CIBAR2: variants seen among roughly 807,000 people sequenced by gnomAD.
CIBAR2 encodes CBY1-interacting BAR domain-containing protein 2.
Under a neutral mutation model 36.2 loss-of-function variants are expected in CIBAR2, and 38 were observed. The observed-to-expected ratio is 1.05, with a 90% CI of 0.81 to 1.38. CIBAR2 has a LOEUF of 1.38. CIBAR2 is among the 40% of genes most tolerant of loss of function. The probability of loss-of-function intolerance (pLI) is 0.00; values close to 1 mark genes in which losing one functional copy is unlikely to be tolerated. For synonymous variants in CIBAR2, 182 were observed against 149.5 expected (o/e 1.22, Z -1.58); for missense variants, 481 against 383.4 (o/e 1.25, Z -2.13).
Position 85,107,687 on chromosome 16 carries a change from G to T in CIBAR2, c.427-15C>A. The T allele has an allele frequency of 1.2e-6, 2 of 1,613,992 alleles. No homozygotes were observed. Among genetic ancestry groups the T allele is most frequent in the South Asian group, 1.1e-5 (1 of 91,084 alleles). On this transcript the variant is annotated splice_polypyrimidine_tract_variant and intron_variant, in intron 4 of 8. Coordinates refer to ENST00000539556, the MANE Select transcript of CIBAR2 (RefSeq NM_198491.3). ...CTCACCTGGGACTGAAAAACGTGCT[G>T]TTAAGGAACCAAGTTAAGCCCAGGC...
rs2073928136 is a variant in CIBAR2 at position 85,098,507 on chromosome 16, C to T, written c.*678G>A. On this transcript the variant is annotated 3_prime_UTR_variant, in exon 9 of 9. Coordinates refer to ENST00000539556, the MANE Select transcript of CIBAR2 (RefSeq NM_198491.3). The stretch of plus-strand genomic sequence containing the variant: ...ACGTGGCTTGCCTGAGGGCACACAG[C>T]AGAGCCCACCTGAGGATCCAAGGCC... 1 of 986,096 alleles carries T rather than the reference C, an allele frequency of 1.0e-6. No homozygotes were observed. The highest frequency in any genetic ancestry group is 1.2e-6 in the Non-Finnish European group (1 of 830,094). 61.1% of individuals were successfully genotyped at this position (986,096 alleles called of 1,614,324 possible).
intron 6 of CIBAR2, among the ~76,000 whole-genome samples, chr16:85,104,341 G>A (rs572944752): frequency 6.6e-6 from 1 of 152,232 alleles, no homozygotes; most frequent in Non-Finnish European, 1.5e-5. Context: ...AGGGATTTTG[G>A]TTCTAATCCT....
Position 85,099,264 on chromosome 16 carries a change from TCA to T in CIBAR2, c.834_835del (p.Cys278Ter). 6.2e-7 allele frequency: 1 copy of T among 1,613,706 alleles called. No homozygotes were observed. Among genetic ancestry groups the T allele is most frequent in the Non-Finnish European group, 8.5e-7 (1 of 1,179,838 alleles). On this transcript the variant is annotated stop_gained and frameshift_variant, in exon 9 of 9. Transcript: ENST00000539556. LOFTEE classifies it low-confidence loss of function (END_TRUNC). Reference sequence around the variant, plus strand: ...GGCTGGCTGCCCCTTAACCACCCACTCACAGAGACTAAACCTGCCATGATTGG... The same window carrying T: ...GGCTGGCTGCCCCTTAACCACCCACTCAGAGACTAAACCTGCCATGATTGG...
chr16:85,110,027 G>C lies in CIBAR2; in HGVS notation c.255+199C>G, dbSNP rs2074027984. 3.3e-5 allele frequency among the ~76,000 whole-genome samples: 5 copies of C among 152,094 alleles called. No individual in the cohort carries two copies. In the South Asian group the frequency reaches 1.0e-3, roughly 32 times the overall value. The stretch of plus-strand genomic sequence containing the variant: ...CTTTGTTGACCCTTCATCCGACTCA[G>C]CAAAGCCTCCTAGGCTCTCAATCCT... On this transcript the variant is annotated intron_variant, in intron 2 of 8. Transcript: ENST00000539556.
intron 2 of CIBAR2, among the ~76,000 whole-genome samples, chr16:85,109,231 C>T (rs1019886790): frequency 2.0e-5 from 3 of 151,974 alleles, no homozygotes; most frequent in Non-Finnish European, 4.4e-5. Flanking sequence ...GGCCACATGG[C>T]GAAACCCCAT....
intron 6 of CIBAR2, 35 bp from the exon 7 acceptor site, chr16:85,102,362 G>A (rs35852446): frequency 0.12 from 157,566 of 1,332,684 alleles, 10,446 homozygotes; most frequent in Non-Finnish European, 0.14. Context: ...TGTAAGCATC[G>A]CAGTGAGAAA....
chr16:85,100,358 C>G (rs1369506745), intron 7 of CIBAR2, 118 bp from the exon 8 acceptor site: 1 of 616,138 alleles, frequency 1.6e-6, no homozygotes, highest in Non-Finnish European at 2.9e-6. Flanking sequence ...GCTCATGGAA[C>G]TCCACGGTCC....
At chr16:85,110,499 G>A (rs889687143) in intron 1 of CIBAR2, 39 bp from the exon 2 acceptor site, 1 of 1,465,810 alleles carries the variant, frequency 6.8e-7, no homozygotes, top group African/African-American at 1.4e-5. Context: ...TCTGGGCAGA[G>A]ATGCAGGGCC....
intron 5 of CIBAR2, among the ~76,000 whole-genome samples, chr16:85,107,156 A>AG (rs369442682): frequency 0.014 from 2,141 of 149,494 alleles, 36 homozygotes; most frequent in African/African-American, 0.048. Context: ...CTCAAAAAAA[A>AG]GGGGGGGGGC....
At chr16:85,102,144 T>C (rs2073960216) in intron 7 of CIBAR2, 70 bp downstream of exon 7, 1 of 849,858 alleles carries the variant, frequency 1.2e-6, no homozygotes, top group African/African-American at 1.7e-5. Context: ...AAACGACTTC[T>C]ATCAAGACAA....
intron 7 of CIBAR2, among the ~76,000 whole-genome samples, chr16:85,100,819 G>A (rs1001098983): frequency 2.6e-5 from 4 of 152,110 alleles, no homozygotes; most frequent in Admixed American, 6.6e-5. Context: ...AGGCCGAGGC[G>A]GGCAGATCAT....
chr16:85,104,776 G>A (rs1453856653), intron 6 of CIBAR2, among the ~76,000 whole-genome samples: 4 of 152,106 alleles, frequency 2.6e-5, no homozygotes, highest in South Asian at 2.1e-4. Flanking sequence ...ATGGACTAGC[G>A]AGGGCTCAAG....
intron 1 of CIBAR2, 106 bp downstream of exon 1, chr16:85,112,227 C>G: frequency 9.9e-7 from 1 of 1,014,424 alleles, no homozygotes; most frequent in Non-Finnish European, 1.5e-6. Flanking sequence ...ACCCCCAACC[C>G]CCACCCCAAG....
rs767873697 is a variant in CIBAR2 at position 85,110,287 on chromosome 16, C to G, written c.194G>C (p.Arg65Pro). The G allele has an allele frequency of 1.6e-5, 26 of 1,609,322 alleles. No individual in the cohort carries two copies. Among genetic ancestry groups the G allele is most frequent in the Non-Finnish European group, 2.1e-5 (25 of 1,177,128 alleles). ...CTCAGCGAAGCCCCTCATGGTGGCC[C>G]GCAGCTCGGGGTTCTCGGAGTTGGC... ...DFANSENPEL[R>P]ATMRGFAEDL... The change falls in exon 2 of 9, where the codon CGG (arginine) becomes CCG (proline). Residue 65 changes from arginine (R) to proline (P), a missense_variant. Physicochemically the swap from Arg to Pro is moderately radical, Grantham distance 103. Coordinates refer to ENST00000539556, the MANE Select transcript of CIBAR2 (RefSeq NM_198491.3).
At chr16:85,099,535 T>G (rs2073937672) in intron 8 of CIBAR2, among the ~76,000 whole-genome samples, 189 bp from the exon 9 acceptor site, 2 of 151,806 alleles carry the variant, frequency 1.3e-5, no homozygotes, top group South Asian at 4.2e-4. Context: ...TACCTCAGAG[T>G]GCCTCCAGGG....
intron 5 of CIBAR2, among the ~76,000 whole-genome samples, chr16:85,106,185 G>A (rs866132299): frequency 2.0e-5 from 3 of 152,084 alleles, no homozygotes; most frequent in Non-Finnish European, 2.9e-5. Flanking sequence ...GGAGGTGCTC[G>A]GGCAGGGCTG....
In CIBAR2 at chr16:85,107,856, T is replaced by G. The variant is rs771505314; in HGVS notation, c.416A>C (p.Gln139Pro). The change falls in exon 4 of 9, where the codon CAG becomes CCG. Residue 139 changes from glutamine (Q) to proline (P), a missense_variant. Physicochemically the swap from Gln to Pro is moderately conservative, Grantham distance 76. Coordinates refer to ENST00000539556, the MANE Select transcript of CIBAR2 (RefSeq NM_198491.3). Reference protein sequence around the residue: ...EKLRQKSPSDQQMISQAETRV... With the variant: ...EKLRQKSPSDPQMISQAETRV... The stretch of plus-strand genomic sequence containing the variant: ...TCCAGGGAAGGATACGATCATTTGC[T>G]GATCCGAGGGTGACTTCTGCCTCAG... 17 of 1,613,548 alleles carry G rather than the reference T, an allele frequency of 1.1e-5. No individual in the cohort carries two copies. Among genetic ancestry groups the G allele is most frequent in the Non-Finnish European group, 1.7e-6 (2 of 1,179,524 alleles).
At chr16:85,105,584 G>A (rs770312111) in intron 5 of CIBAR2, 153 bp from the exon 6 acceptor site, 6 of 613,166 alleles carry the variant, frequency 9.8e-6, no homozygotes, top group Admixed American at 2.7e-5. Context: ...CAAAGGAATG[G>A]CTGAGTAGGA....
At chr16:85,100,265 T>A (rs1390560199) in intron 7 of CIBAR2, 25 bp from the exon 8 acceptor site, 2 of 1,453,572 alleles carry the variant, frequency 1.4e-6, no homozygotes, top group Admixed American at 1.9e-5. Context: ...CCAGGGTGGG[T>A]GGGATCCGAT....
Sources: gnomAD v4.1 joint callset for allele counts (sites outside exome capture counted in the v4.1 genomes callset) on GRCh38, gnomAD v4.1.1 for gene constraint, MANE v1.5 for transcripts, NCBI Gene and HGNC (gene_info 2026-07-23, HGNC 2026-07-21) for gene names.